The following TBL1XR1 variants were observed in gnomAD, a reference collection of about 807,000 sequenced individuals.
TBL1XR1 encodes F-box-like/WD repeat-containing protein TBL1XR1.
In TBL1XR1, 5 loss-of-function variants were observed where a neutral mutation model predicts 66.9. The ratio of observed to expected loss-of-function variants is 0.07; its 90% CI spans 0.04 to 0.16. The LOEUF (loss-of-function observed/expected upper bound fraction) is 0.16. TBL1XR1 is among the 10% of genes least tolerant of loss of function. The probability of loss-of-function intolerance (pLI) is 1.00; values close to 1 mark genes in which losing one functional copy is unlikely to be tolerated. For missense variants in TBL1XR1, 238 were observed against 623.2 expected (o/e 0.38, Z 6.58); for synonymous variants, 210 against 206.0 (o/e 1.02, Z -0.17).
intron 2 of TBL1XR1, among the ~76,000 whole-genome samples, chr3:177,074,710 T>C (rs149509725): frequency 3.9e-5 from 6 of 152,314 alleles, no homozygotes; most frequent in African/African-American, 1.2e-4. Flanking sequence ...TTTCGTTCCT[T>C]AAAGCCAGGT....
At chr3:177,184,215 A>G (rs1413663742) in intron 1 of TBL1XR1, among the ~76,000 whole-genome samples, 5 of 152,240 alleles carry the variant, frequency 3.3e-5, no homozygotes, top group African/African-American at 1.2e-4. Context: ...CAAAAATAGC[A>G]TTAAAATCTA....
intron 3 of TBL1XR1, among the ~76,000 whole-genome samples, chr3:177,060,768 T>C (rs898708511): frequency 2.0e-5 from 3 of 152,228 alleles, no homozygotes; most frequent in Non-Finnish European, 4.4e-5. Context: ...GGTTCTACTA[T>C]ATGCAACTTG....
intron 2 of TBL1XR1, among the ~76,000 whole-genome samples, chr3:177,078,282 C>T (rs1289243512): frequency 6.6e-6 from 1 of 152,138 alleles, no homozygotes; most frequent in East Asian, 1.9e-4. Flanking sequence ...AAACATAGCT[C>T]TCATGCTCCA....
At chr3:177,142,594 C>T (rs1729758102) in intron 1 of TBL1XR1, among the ~76,000 whole-genome samples, 1 of 152,126 alleles carries the variant, frequency 6.6e-6, no homozygotes. Context: ...CCGTCTCCTA[C>T]CTCAGTAGGA....
intron 1 of TBL1XR1, among the ~76,000 whole-genome samples, chr3:177,147,772 A>G (rs936164442): frequency 3.3e-5 from 5 of 152,224 alleles, no homozygotes; most frequent in African/African-American, 9.6e-5. Flanking sequence ...ATCAAGTTCC[A>G]TGGCCATTCC....
At chr3:177,188,538 C>T (rs1395139558) in intron 1 of TBL1XR1, among the ~76,000 whole-genome samples, 3 of 152,002 alleles carry the variant, frequency 2.0e-5, no homozygotes, top group South Asian at 4.1e-4. Context: ...CAAGAGCAAA[C>T]CTCCGTCAAA....
chr3:177,095,263 T>C (rs1723330070), intron 2 of TBL1XR1, among the ~76,000 whole-genome samples: 1 of 151,814 alleles, frequency 6.6e-6, no homozygotes, highest in Non-Finnish European at 1.5e-5. Flanking sequence ...CGGGTGCTGT[T>C]TAATGGGTAT....
chr3:177,163,851 T>C (rs1404963042), intron 1 of TBL1XR1: 1 of 152,214 alleles, frequency 6.6e-6, no homozygotes, highest in Non-Finnish European at 1.5e-5. Context: ...TATCACTTTC[T>C]ATACACATAG....
chr3:177,189,159 G>A (rs914458325), intron 1 of TBL1XR1, among the ~76,000 whole-genome samples: 1 of 151,844 alleles, frequency 6.6e-6, no homozygotes, highest in Non-Finnish European at 1.5e-5. Flanking sequence ...AGTGAGCCAA[G>A]ATCATGCCAC....
At chr3:177,060,503 T>C (rs974322583) in intron 3 of TBL1XR1, among the ~76,000 whole-genome samples, 2 of 152,204 alleles carry the variant, frequency 1.3e-5, no homozygotes, top group Non-Finnish European at 2.9e-5. Flanking sequence ...CTTAGACATG[T>C]AATAGTTAAA....
chr3:177,081,829 T>A (rs1175246340), intron 2 of TBL1XR1, among the ~76,000 whole-genome samples: 1 of 151,994 alleles, frequency 6.6e-6, no homozygotes, highest in Non-Finnish European at 1.5e-5. Flanking sequence ...TTAGTCAGTA[T>A]AATTACAGTA....
At chr3:177,187,930 A>G (rs995423563) in intron 1 of TBL1XR1, among the ~76,000 whole-genome samples, 2 of 147,094 alleles carry the variant, frequency 1.4e-5, no homozygotes, top group African/African-American at 5.0e-5. Flanking sequence ...TTGAGAGTCC[A>G]GAGTACAATT....
chr3:177,083,652 A>G (rs939022434), intron 2 of TBL1XR1, among the ~76,000 whole-genome samples: 5 of 152,170 alleles, frequency 3.3e-5, no homozygotes, highest in African/African-American at 1.2e-4. Flanking sequence ...CATAGCTACC[A>G]CCTACAATTT....
intron 1 of TBL1XR1, among the ~76,000 whole-genome samples, chr3:177,106,881 T>C (rs1037597553): frequency 3.3e-5 from 5 of 151,762 alleles, no homozygotes; most frequent in Middle Eastern, 3.4e-3. Context: ...AGGTACATTA[T>C]GTCTTTTAGT....
intron 1 of TBL1XR1, among the ~76,000 whole-genome samples, chr3:177,155,715 C>A (rs1450946323): frequency 2.0e-5 from 3 of 152,052 alleles, no homozygotes; most frequent in Non-Finnish European, 4.4e-5. Flanking sequence ...ATACCATACA[C>A]AAAAATTATA....
At chr3:177,047,696 G>A in intron 7 of TBL1XR1, 147 bp from the exon 8 acceptor site, 1 of 760,188 alleles carries the variant, frequency 1.3e-6, no homozygotes, top group South Asian at 1.9e-5. Context: ...ACTTGTGAGT[G>A]CCACTAAAGG....
At chr3:177,152,063 C>CAA in intron 1 of TBL1XR1, among the ~76,000 whole-genome samples, 1 of 152,164 alleles carries the variant, frequency 6.6e-6, no homozygotes, top group East Asian at 1.9e-4. Context: ...CAATTTGTTC[C>CAA]AAGTTGATTC....
chr3:177,173,268 T>C (rs993168536), intron 1 of TBL1XR1, among the ~76,000 whole-genome samples: 4 of 152,200 alleles, frequency 2.6e-5, no homozygotes, highest in Admixed American at 2.0e-4. Context: ...TTTTCCATGC[T>C]TTTCCCTCTA....
intron 2 of TBL1XR1, among the ~76,000 whole-genome samples, chr3:177,084,105 AAAAAG>A (rs905266173): frequency 4.0e-5 from 6 of 151,718 alleles, no homozygotes; most frequent in South Asian, 4.1e-4. Flanking sequence ...AAAAAAAAGA[AAAAAG>A]AAAAGAAAAG....
Sources: gnomAD v4.1 joint callset for allele counts (sites outside exome capture counted in the v4.1 genomes callset) on GRCh38, gnomAD v4.1.1 for gene constraint, MANE v1.5 for transcripts, NCBI Gene and HGNC (gene_info 2026-07-23, HGNC 2026-07-21) for gene names.